Variants in CFAP44 observed in about 807,000 individuals in gnomAD.
The protein encoded by CFAP44 is cilia and flagella associated protein 44.
CFAP44 carries 134 observed loss-of-function variants against 216.2 expected under a neutral mutation model. The ratio of observed to expected loss-of-function variants is 0.62; its 90% CI spans 0.54 to 0.72. The LOEUF is 0.72. Among genes scored for constraint, CFAP44 ranks in the 30% least tolerant of loss-of-function variants. The pLI, the probability that CFAP44 is intolerant of heterozygous loss-of-function variation, is 0.00. For missense variants in CFAP44, 2,035 were observed against 2,182.1 expected, an observed-to-expected ratio of 0.93 and a Z score of 1.34; for synonymous variants, 700 against 727.6, an observed-to-expected ratio of 0.96 and a Z score of 0.61.
At chr3:113,317,876 A>C (rs1028356966) in intron 28 of CFAP44, among the ~76,000 whole-genome samples, 3 of 152,176 alleles carry the variant, frequency 2.0e-5, no homozygotes, top group Non-Finnish European at 2.9e-5. Flanking sequence ...CAACAAAAAC[A>C]CAGGCACAGT....
intron 6 of CFAP44, 51 bp downstream of exon 6, chr3:113,416,474 G>A (rs758646460): frequency 6.5e-6 from 9 of 1,391,240 alleles, no homozygotes; most frequent in Non-Finnish European, 8.1e-6. Flanking sequence ...ACCTTCTTCA[G>A]AATGTTGTTA....
chr3:113,331,624 T>C (rs1057311568), intron 25 of CFAP44, among the ~76,000 whole-genome samples: 5 of 150,334 alleles, frequency 3.3e-5, no homozygotes, highest in South Asian at 4.2e-4. Flanking sequence ...GTTGGGTGAA[T>C]GGACAACCAC....
intron 6 of CFAP44, among the ~76,000 whole-genome samples, chr3:113,415,076 C>G (rs1559941907): frequency 6.6e-6 from 1 of 152,044 alleles, no homozygotes; most frequent in Non-Finnish European, 1.5e-5. Context: ...CAACTTCTTT[C>G]TGGTTTAGCC....
chr3:113,298,962 T>C (rs1162995869), intron 32 of CFAP44, among the ~76,000 whole-genome samples: 1 of 152,216 alleles, frequency 6.6e-6, no homozygotes, highest in Admixed American at 6.5e-5. Flanking sequence ...ACTGTCCACT[T>C]ACAAATGGTT....
Position 113,407,142 on chromosome 3 carries a change from T to TTTCA in CFAP44, c.891-105_891-102dup, listed in dbSNP as rs1469174548. On this transcript the variant is annotated intron_variant, in intron 7 of 34. Coordinates refer to ENST00000393845, the MANE Select transcript of CFAP44 (RefSeq NM_001164496.2). ...ACATATTTCATAGTTGCATATATTA[T>TTTCA]TTCATTCATTCATTCATTTATCTGA... 6.6e-5 allele frequency: 57 copies of TTTCA among 864,062 alleles called. 1 individual carries two copies. Among genetic ancestry groups the TTTCA allele is most frequent in the South Asian group, 4.9e-4 (31 of 63,250 alleles). The allele number at this position is 864,062 out of a possible 1,614,324, so 53.5% of individuals were successfully genotyped here. A position where few individuals can be genotyped will look rare whatever the true frequency, so the allele number is the denominator to read the frequency against.
chr3:113,433,384 G>A (rs902429201), intron 2 of CFAP44, among the ~76,000 whole-genome samples, 181 bp downstream of exon 2: 2 of 117,522 alleles, frequency 1.7e-5, no homozygotes, highest in African/African-American at 6.6e-5. Context: ...AGCCAAGATC[G>A]TACCATTGCA....
intron 2 of CFAP44, among the ~76,000 whole-genome samples, chr3:113,430,281 A>T (rs1046025757): frequency 2.6e-5 from 4 of 152,052 alleles, no homozygotes; most frequent in African/African-American, 9.7e-5. Context: ...ATTAAAATTT[A>T]TTAAAATACA....
At chr3:113,334,613 TAG>T (rs771486712) in intron 24 of CFAP44, among the ~76,000 whole-genome samples, 16 of 151,972 alleles carry the variant, frequency 1.1e-4, no homozygotes, top group African/African-American at 2.2e-4. Flanking sequence ...AGGACAGGTA[TAG>T]AGAGTGGAAT....
intron 19 of CFAP44, 86 bp from the exon 20 acceptor site, chr3:113,363,618 C>A: frequency 8.2e-7 from 1 of 1,217,968 alleles, no homozygotes; most frequent in Non-Finnish European, 1.1e-6. Flanking sequence ...ATTAAAAACT[C>A]AAATTGGTTC....
At chr3:113,330,094 AC>A (rs1950227546) in intron 26 of CFAP44, 73 bp downstream of exon 26, 10 of 1,435,304 alleles carry the variant, frequency 7.0e-6, no homozygotes, top group Non-Finnish European at 9.1e-6. Flanking sequence ...AAATAAATAA[AC>A]AAAAAACCCG....
At chr3:113,316,058 C>A (rs1296616293) in intron 28 of CFAP44, among the ~76,000 whole-genome samples, 1 of 152,172 alleles carries the variant, frequency 6.6e-6, no homozygotes, top group Non-Finnish European at 1.5e-5. Context: ...ATAAAACAAA[C>A]CTCAACAATT....
At chr3:113,382,337 A>G (rs943366691) in intron 15 of CFAP44, among the ~76,000 whole-genome samples, 3 of 152,190 alleles carry the variant, frequency 2.0e-5, no homozygotes, top group African/African-American at 7.2e-5. Flanking sequence ...GAAAGATAAG[A>G]ACTAAATGTT....
At chr3:113,403,289 T>C (rs1175423398) in intron 9 of CFAP44, among the ~76,000 whole-genome samples, 3 of 152,216 alleles carry the variant, frequency 2.0e-5, no homozygotes, top group Non-Finnish European at 2.9e-5. Flanking sequence ...GGAAGAAGTG[T>C]GACAATAGCA....
At chr3:113,330,869 G>A (rs760985142) in intron 25 of CFAP44, among the ~76,000 whole-genome samples, 6 of 152,106 alleles carry the variant, frequency 3.9e-5, no homozygotes, top group Non-Finnish European at 7.4e-5. Flanking sequence ...AAGATGGAAG[G>A]ACAGACTACA....
In CFAP44 at chr3:113,290,404, CA is replaced by C. The variant is rs1949817878; in HGVS notation, c.*1152del. Reference sequence around the variant, plus strand: ...GGGGGGCACATTAGCAGGCTAATCACAGGTGAGGAAGACTTGGCATTGCTGA... The same window carrying C: ...GGGGGGCACATTAGCAGGCTAATCACGGTGAGGAAGACTTGGCATTGCTGA... On this transcript the variant is annotated 3_prime_UTR_variant, in exon 35 of 35. Coordinates refer to ENST00000393845, the MANE Select transcript of CFAP44 (RefSeq NM_001164496.2). 6.6e-6 allele frequency: 1 copy of C among 152,212 alleles called. No homozygotes were observed. Among genetic ancestry groups the C allele is most frequent in the Non-Finnish European group, 1.5e-5 (1 of 68,046 alleles). The allele number at this position is 152,212 out of a possible 1,614,324, so 9.4% of individuals were successfully genotyped here.
At chr3:113,319,694 A>G (rs1950124123) in intron 28 of CFAP44, among the ~76,000 whole-genome samples, 1 of 152,228 alleles carries the variant, frequency 6.6e-6, no homozygotes, top group Non-Finnish European at 1.5e-5. Flanking sequence ...TCATAAAGCA[A>G]GAAGAAAAGA....
At chr3:113,380,274 A>G (rs1171048745) in intron 16 of CFAP44, among the ~76,000 whole-genome samples, 1 of 152,140 alleles carries the variant, frequency 6.6e-6, no homozygotes, top group East Asian at 1.9e-4. Context: ...AGCTCCATGC[A>G]TTGGTCACAG....
At chr3:113,339,603 G>T (rs944847017) in intron 24 of CFAP44, among the ~76,000 whole-genome samples, 2 of 152,322 alleles carry the variant, frequency 1.3e-5, no homozygotes, top group Admixed American at 6.5e-5. Flanking sequence ...TACTCCGCAG[G>T]AATTGGTCCT....
chr3:113,329,875 G>T (rs774861751), intron 26 of CFAP44, among the ~76,000 whole-genome samples: 2 of 151,950 alleles, frequency 1.3e-5, no homozygotes, highest in Non-Finnish European at 2.9e-5. Context: ...TCCCCTTTAC[G>T]ATGACTTCAG....
Sources: gnomAD v4.1 joint callset for allele counts (sites outside exome capture counted in the v4.1 genomes callset) on GRCh38, gnomAD v4.1.1 for gene constraint, MANE v1.5 for transcripts, NCBI Gene and HGNC (gene_info 2026-07-23, HGNC 2026-07-21) for gene names.